ALOXE3: variants seen among roughly 807,000 people sequenced by gnomAD.
ALOXE3 encodes the protein arachidonate epidermal lipoxygenase 3, also known as hydroperoxide isomerase ALOXE3.
In ALOXE3, 78 loss-of-function variants were observed where a neutral mutation model predicts 87.5. The ratio of observed to expected loss-of-function variants is 0.89; its 90% confidence interval spans 0.74 to 1.08. The LOEUF (loss-of-function observed/expected upper bound fraction) is 1.08. Among genes scored for constraint, ALOXE3 ranks in the 50% least tolerant of loss-of-function variants. ALOXE3 has a pLI of 0.00. For missense variants in ALOXE3, 946 were observed against 912.4 expected (o/e 1.04, Z -0.47); for synonymous variants, 363 against 370.8 (o/e 0.98, Z 0.24).
chr17:8,105,155 C>T (rs1224391749), intron 13 of ALOXE3, among the ~76,000 whole-genome samples: 3 of 152,208 alleles, frequency 2.0e-5, no homozygotes, highest in Non-Finnish European at 4.4e-5. Context: ...TTGTCATGGC[C>T]CTACTTGATT....
chr17:8,112,343 C>G (rs1413363542), intron 6 of ALOXE3, 147 bp from the exon 7 acceptor site: 2 of 662,240 alleles, frequency 3.0e-6, no homozygotes, highest in Non-Finnish European at 2.7e-6. Flanking sequence ...AAGTCTAGTA[C>G]CCGGTGGAGG....
intron 2 of ALOXE3, among the ~76,000 whole-genome samples, chr17:8,117,351 T>G (rs1185643934): frequency 2.0e-5 from 3 of 151,762 alleles, no homozygotes; most frequent in Non-Finnish European, 4.4e-5. Flanking sequence ...ACCCGGGAGG[T>G]GGAGGTTGCA....
rs1450546870 is a variant in ALOXE3, at chr17:8,116,861, G to A, written c.267C>T (p.Val89=). 2 of 1,614,144 alleles carry A rather than the reference G, an allele frequency of 1.2e-6. No homozygotes were observed. The highest frequency in any genetic ancestry group is 1.6e-4 in the Middle Eastern group (1 of 6,084). Reference sequence around the variant, plus strand: ...GGGATACACTACCATCCGGTTCGGTGACACAGATGCGGCTACAGTACCAAG... The same window carrying A: ...GGGATACACTACCATCCGGTTCGGTAACACAGATGCGGCTACAGTACCAAG... ...KDSWYCSRIC[V]TEPDGSVSHF... is the part of the protein sequence containing the mutation. The change falls in exon 3 of 16, where the codon GTC becomes GTT. Residue 89 remains valine, a synonymous_variant. Transcript: ENST00000448843.
At position 8,115,637 on chromosome 17, in the gene ALOXE3, C is replaced by G. The variant is rs750853473; in HGVS notation, c.404G>C (p.Arg135Pro). The change falls in exon 4 of 16, where the codon CGG (arginine) becomes CCG (proline). Residue 135 changes from arginine to proline, a missense_variant. By Grantham distance (103) the Arg-to-Pro change is moderately radical. Transcript: ENST00000448843. ...GCATTCTTGTCGGGCCCGGAGCTCCCGTGTCCTGTGATCCAGGAGGAGGGG... is the reference window on the plus strand; with the variant it reads ...GCATTCTTGTCGGGCCCGGAGCTCCGGTGTCCTGTGATCCAGGAGGAGGGG... ...SLPLLLDHRT[R>P]ELRARQECYR... is the part of the protein sequence containing the mutation. 3 of 1,614,006 alleles carry G rather than the reference C, an allele frequency of 1.9e-6. No individual in the cohort carries two copies. The highest frequency in any genetic ancestry group is 1.3e-5 in the African/African-American group (1 of 74,928).
chr17:8,110,300 G>C lies in ALOXE3; in HGVS notation c.1102-5C>G. The C allele has an allele frequency of 6.2e-7, 1 of 1,613,772 alleles. No individual in the cohort carries two copies. Among genetic ancestry groups the C allele is most frequent in the Non-Finnish European group, 8.5e-7 (1 of 1,179,722 alleles). On this transcript the variant is annotated splice_polypyrimidine_tract_variant and splice_region_variant and intron_variant, in intron 9 of 15. Coordinates refer to ENST00000448843, the MANE Select transcript of ALOXE3 (RefSeq NM_021628.3). ...AGGCCCGGGGGTCTGGCTGAGCTGC[G>C]TCCGAAAGGAACGAGGGATGATGGG...
intron 8 of ALOXE3, 42 bp from the exon 9 acceptor site, chr17:8,110,570 C>T: frequency 1.9e-6 from 3 of 1,612,728 alleles, no homozygotes. Flanking sequence ...TCCCTACTCG[C>T]GCTCCACTTC....
At position 8,103,687 on chromosome 17, in the gene ALOXE3, T is replaced by C. The variant is rs117206737; in HGVS notation, c.1786-194A>G. On this transcript the variant is annotated intron_variant, in intron 14 of 15. Coordinates refer to ENST00000448843, the MANE Select transcript of ALOXE3 (RefSeq NM_021628.3). Reference sequence around the variant, plus strand: ...AGAGGAAAGGGTAGGGAGTGGAAAGTCCCAGAAGTGGGGCAGGAAGCCAGC... The same window carrying C: ...AGAGGAAAGGGTAGGGAGTGGAAAGCCCCAGAAGTGGGGCAGGAAGCCAGC... 0.077 allele frequency among the ~76,000 whole-genome samples: 11,705 copies of C among 151,384 alleles called. 603 individuals are homozygous for C. Among genetic ancestry groups the C allele is most frequent in the Middle Eastern group, 0.16 (46 of 292 alleles).
chr17:8,097,747 CT>C (rs60450170), intron 15 of ALOXE3, among the ~76,000 whole-genome samples: 38,350 of 129,120 alleles, frequency 0.3, 4,651 homozygotes, highest in East Asian at 0.57. Context: ...TACTACTGAT[CT>C]TTTTTTTTTT....
At position 8,101,021 on chromosome 17, in the gene ALOXE3, C is replaced by CT. The variant is rs1189268815; in HGVS notation, c.1956+2301dup. Among the ~76,000 whole-genome samples the CT allele has an allele frequency of 4.8e-4, 54 of 111,460 alleles. 1 individual carries two copies. The highest frequency in any genetic ancestry group is 1.4e-3 in the African/African-American group (43 of 31,100). The allele number at this position is 111,460 out of a possible 152,430, so 73.1% of individuals were successfully genotyped here. A position where few individuals can be genotyped will look rare whatever the true frequency, so the allele number is the denominator to read the frequency against. On this transcript the variant is annotated intron_variant, in intron 15 of 15. Transcript: ENST00000448843. ...TATATGCCAGCACGGTGCCAAGCTGCTTTTTTTTTGTTTTTTTTTTTTTGA... is the reference window on the plus strand; with the variant it reads ...TATATGCCAGCACGGTGCCAAGCTGCTTTTTTTTTTGTTTTTTTTTTTTTGA...
chr17:8,104,864 G>C (rs769813007), intron 13 of ALOXE3, among the ~76,000 whole-genome samples: 1 of 152,154 alleles, frequency 6.6e-6, no homozygotes, highest in Non-Finnish European at 1.5e-5. Context: ...AGAGCTCCAA[G>C]GCTCAGCCCT....
intron 1 of ALOXE3, 62 bp from the exon 2 acceptor site, chr17:8,118,365 A>G: frequency 1.3e-6 from 2 of 1,551,524 alleles, no homozygotes. Flanking sequence ...TATAATTGGG[A>G]CACTGCCCTC....
chr17:8,115,159 A>G, intron 4 of ALOXE3, 102 bp from the exon 5 acceptor site: 1 of 1,470,046 alleles, frequency 6.8e-7, no homozygotes, highest in Admixed American at 1.7e-5. Context: ...AAAACCACCT[A>G]CTTTCTGGAT....
Position 8,115,072 on chromosome 17 carries a change from A to T in ALOXE3, c.435-15T>A. 3.1e-6 allele frequency: 5 copies of T among 1,614,168 alleles called. No homozygotes were observed. The highest frequency in any genetic ancestry group is 4.2e-6 in the Non-Finnish European group (5 of 1,179,990). On this transcript the variant is annotated splice_polypyrimidine_tract_variant and intron_variant, in intron 4 of 15. Transcript: ENST00000448843. ...AGATCTTCCAGCTTCCGAGGGAAAG[A>T]GGTCAGAGGTGGCAGGTCATGCTCG... is the stretch of plus-strand genomic sequence containing the variant.
At chr17:8,109,787 ATT>A (rs1979861743) in intron 11 of ALOXE3, 127 bp downstream of exon 11, 1 of 925,160 alleles carries the variant, frequency 1.1e-6, no homozygotes, top group Non-Finnish European at 1.6e-6. Context: ...AGAGGCAGTG[ATT>A]GTACAGGTGT....
At chr17:8,107,843 A>G (rs1328609140) in intron 13 of ALOXE3, among the ~76,000 whole-genome samples, 32 of 2,948 alleles carry the variant, frequency 0.011, no homozygotes, top group Non-Finnish European at 0.014. Context: ...GAAAGAAAGA[A>G]AGAAAGAAAG....
intron 3 of ALOXE3, 112 bp downstream of exon 3, chr17:8,116,664 C>A (rs368258297): frequency 7.7e-7 from 1 of 1,303,464 alleles, no homozygotes. Flanking sequence ...CTTGGGAGCC[C>A]AGAGTTTCTG....
At position 8,100,772 on chromosome 17, in the gene ALOXE3, T is replaced by C. The variant is rs532804367; in HGVS notation, c.1956+2551A>G. Among the ~76,000 whole-genome samples the C allele has an allele frequency of 3.3e-5, 5 of 152,088 alleles. No homozygotes were observed. In the South Asian group the frequency reaches 1.0e-3, roughly 32 times the overall value. On this transcript the variant is annotated intron_variant, in intron 15 of 15. Transcript: ENST00000448843. ...TAGCTGGGACTACAGGCCTGTGCCA[T>C]TGCACCTGGCTTAATACTTGATTTC...
rs143764871 is a variant in ALOXE3, at chr17:8,098,333, G to T, written c.1957-1527C>A. 7.9e-3 allele frequency among the ~76,000 whole-genome samples: 962 copies of T among 122,326 alleles called. 12 individuals are homozygous for T. Among genetic ancestry groups the T allele is most frequent in the African/African-American group, 0.025 (882 of 35,708 alleles). 80.3% of individuals were successfully genotyped at this position (122,326 alleles called of 152,430 possible). Reference sequence around the variant, plus strand: ...GGCTCGCTGCAACCTCCGTCTCCCGGGATCAAGTGATTTCTCCTGCCTCAG... The same window carrying T: ...GGCTCGCTGCAACCTCCGTCTCCCGTGATCAAGTGATTTCTCCTGCCTCAG... On this transcript the variant is annotated intron_variant, in intron 15 of 15. Transcript: ENST00000448843.
intron 6 of ALOXE3, among the ~76,000 whole-genome samples, chr17:8,113,884 G>A (rs1980325715): frequency 6.6e-6 from 1 of 151,930 alleles, no homozygotes; most frequent in Admixed American, 6.6e-5. Flanking sequence ...AAATTAGCCG[G>A]CATGGTGGCA....
Sources: gnomAD v4.1 joint callset for allele counts (sites outside exome capture counted in the v4.1 genomes callset) on GRCh38, gnomAD v4.1.1 for gene constraint, MANE v1.5 for transcripts, NCBI Gene and HGNC (gene_info 2026-07-23, HGNC 2026-07-21) for gene names.